The following ATP13A4 variants were observed in gnomAD, a reference collection of about 807,000 sequenced individuals.
ATP13A4 encodes probable cation-transporting ATPase 13A4.
Under a neutral mutation model 142.5 loss-of-function variants are expected in ATP13A4, and 114 were observed. That is an observed-to-expected ratio of 0.80 (90% CI 0.69 to 0.93). The LOEUF (loss-of-function observed/expected upper bound fraction) is 0.93. Among genes scored for constraint, ATP13A4 ranks in the 40% least tolerant of loss-of-function variants. The pLI, the probability that ATP13A4 is intolerant of heterozygous loss-of-function variation, is 0.00. For missense variants in ATP13A4, 1,392 were observed against 1,454.0 expected, an observed-to-expected ratio of 0.96 and a Z score of 0.69; for synonymous variants, 488 against 514.8, an observed-to-expected ratio of 0.95 and a Z score of 0.70.
At chr3:193,457,302 A>G (rs2108636133) in intron 15 of ATP13A4, 77 bp downstream of exon 15, 1 of 1,581,132 alleles carries the variant, frequency 6.3e-7, no homozygotes, top group Non-Finnish European at 8.7e-7. Context: ...CACATCTGTG[A>G]CCTTTCAAAA....
intron 2 of ATP13A4, among the ~76,000 whole-genome samples, chr3:193,570,095 T>A (rs974666345): frequency 1.3e-5 from 2 of 150,942 alleles, no homozygotes; most frequent in Admixed American, 6.6e-5. Context: ...AGCCCAGGAG[T>A]CTGAGAAAAG....
intron 8 of ATP13A4, among the ~76,000 whole-genome samples, chr3:193,483,496 G>C (rs906073875): frequency 6.6e-6 from 1 of 152,040 alleles, no homozygotes; most frequent in Non-Finnish European, 1.5e-5. Flanking sequence ...ATGGAGTCTC[G>C]CTCTGTCACC....
At chr3:193,494,091 T>C (rs1190362929) in intron 3 of ATP13A4, among the ~76,000 whole-genome samples, 3 of 152,072 alleles carry the variant, frequency 2.0e-5, no homozygotes, top group African/African-American at 7.2e-5. Flanking sequence ...TTAACACTCA[T>C]GTGTATGCAC....
intron 24 of ATP13A4, 113 bp from the exon 25 acceptor site, chr3:193,434,030 G>A: frequency 1.1e-6 from 1 of 893,758 alleles, no homozygotes; most frequent in Non-Finnish European, 1.8e-6. Flanking sequence ...AAATTACTGT[G>A]GAGATGCTGT....
chr3:193,428,195 C>T (rs1380933221), intron 25 of ATP13A4, among the ~76,000 whole-genome samples: 2 of 151,946 alleles, frequency 1.3e-5, no homozygotes, highest in Non-Finnish European at 2.9e-5. Flanking sequence ...AAAAAATGCT[C>T]ATCATCACTG....
intron 18 of ATP13A4, among the ~76,000 whole-genome samples, chr3:193,443,434 T>C (rs533002542): frequency 1.3e-5 from 2 of 152,226 alleles, no homozygotes; most frequent in Non-Finnish European, 2.9e-5. Context: ...AAAGATTTTA[T>C]ATTTTAGCTA....
At chr3:193,477,138 A>T (rs1719014314) in intron 8 of ATP13A4, among the ~76,000 whole-genome samples, 1 of 152,122 alleles carries the variant, frequency 6.6e-6, no homozygotes, top group African/African-American at 2.4e-5. Flanking sequence ...TATCATAAGT[A>T]TGTCTACACA....
At chr3:193,569,000 G>T (rs964378530) in intron 2 of ATP13A4, among the ~76,000 whole-genome samples, 10 of 152,200 alleles carry the variant, frequency 6.6e-5, no homozygotes, top group Admixed American at 6.5e-4. Flanking sequence ...CTACACGCTT[G>T]CTAACTGTGG....
chr3:193,411,384 T>G (rs1714759087), intron 27 of ATP13A4, among the ~76,000 whole-genome samples: 1 of 152,220 alleles, frequency 6.6e-6, no homozygotes, highest in Admixed American at 6.5e-5. Context: ...TCTGAGTCAC[T>G]TTAATGCAAA....
intron 6 of ATP13A4, 69 bp from the exon 7 acceptor site, chr3:193,489,933 G>A: frequency 6.7e-7 from 1 of 1,495,716 alleles, no homozygotes; most frequent in Non-Finnish European, 9.3e-7. Context: ...TCATTTACTT[G>A]TTTTCATAAT....
chr3:193,519,226 A>T (rs1051614273), intron 1 of ATP13A4, among the ~76,000 whole-genome samples: 4 of 152,216 alleles, frequency 2.6e-5, no homozygotes, highest in Admixed American at 2.6e-4. Flanking sequence ...AACCCATGGT[A>T]AAAGAGGATT....
At chr3:193,576,513 C>T (rs942593015) in intron 2 of ATP13A4, among the ~76,000 whole-genome samples, 2 of 151,556 alleles carry the variant, frequency 1.3e-5, no homozygotes, top group African/African-American at 2.4e-5. Flanking sequence ...CCTCATGATC[C>T]ACCCGCCTCG....
rs1271828414 is a variant in ATP13A4, at chr3:193,439,054, C to A, written c.2531G>T (p.Gly844Val). 6.2e-7 allele frequency: 1 copy of A among 1,608,326 alleles called. No individual in the cohort carries two copies. Among genetic ancestry groups the A allele is most frequent in the East Asian group, 2.2e-5 (1 of 44,830 alleles). The stretch of plus-strand genomic sequence containing the variant: ...GTCATTGGCTCCATCACCACACATA[C>A]CTACAAAGTAACTAAGAGGGAACCA... ...EEFQKLDYFV[G>V]MCGDGANDCG... is the part of the protein sequence containing the mutation. Residue 844 changes from glycine (G) to valine (V), a missense_variant, in exon 22 of 30, where the codon GGT (glycine) becomes GTT (valine). Transcript: ENST00000342695.
intron 24 of ATP13A4, 132 bp downstream of exon 24, chr3:193,435,516 G>T: frequency 3.7e-6 from 3 of 802,490 alleles, no homozygotes; most frequent in Admixed American, 3.6e-5. Context: ...AATTCTTAAG[G>T]ATATTTTTGG....
chr3:193,503,734 T>C (rs768267670), intron 2 of ATP13A4, among the ~76,000 whole-genome samples: 2 of 152,300 alleles, frequency 1.3e-5, no homozygotes, highest in Non-Finnish European at 2.9e-5. Context: ...CCTTAGCCTG[T>C]AGTACACATT....
At chr3:193,441,669 A>T in intron 19 of ATP13A4, 81 bp from the exon 20 acceptor site, 1 of 1,505,796 alleles carries the variant, frequency 6.6e-7, no homozygotes, top group South Asian at 1.1e-5. Flanking sequence ...AGAGAAGTTA[A>T]TGAAGACAGA....
chr3:193,473,116 C>T (rs9816614), intron 8 of ATP13A4, among the ~76,000 whole-genome samples: 3 of 151,996 alleles, frequency 2.0e-5, no homozygotes, highest in Non-Finnish European at 2.9e-5. Flanking sequence ...GTACAGGCTG[C>T]GCCAAGAAAA....
chr3:193,487,893 T>G (rs1719721347), intron 7 of ATP13A4, among the ~76,000 whole-genome samples: 1 of 152,158 alleles, frequency 6.6e-6, no homozygotes, highest in Non-Finnish European at 1.5e-5. Flanking sequence ...AACATTGGAC[T>G]GGTTAAAAAT....
At chr3:193,498,706 T>G (rs1487061476) in intron 3 of ATP13A4, among the ~76,000 whole-genome samples, 1 of 152,234 alleles carries the variant, frequency 6.6e-6, no homozygotes, top group Non-Finnish European at 1.5e-5. Context: ...TGTCTAGAGC[T>G]TCCTTTTGTA....
Sources: allele counts gnomAD v4.1 joint callset (sites outside exome capture counted in the v4.1 genomes callset), GRCh38; gene constraint gnomAD v4.1.1; transcripts MANE v1.5; gene names NCBI Gene and HGNC (gene_info 2026-07-23, HGNC 2026-07-21).